Variants in NT5DC3 observed in about 807,000 individuals in gnomAD.
NT5DC3 encodes the protein 5'-nucleotidase domain containing 3, also known as 5'-nucleotidase domain-containing protein 3.
In NT5DC3, 42 loss-of-function variants were observed where a neutral mutation model predicts 67.8. The observed-to-expected ratio is 0.62, with a 90% CI of 0.48 to 0.80. The LOEUF is 0.80. Ranked by LOEUF, NT5DC3 falls within the 30% of genes least tolerant of loss-of-function variation. The pLI is 0.00. For synonymous variants in NT5DC3, 237 were observed against 255.6 expected, an observed-to-expected ratio of 0.93 and a Z score of 0.69; for missense variants, 570 against 696.4, an observed-to-expected ratio of 0.82 and a Z score of 2.04.
intron 12 of NT5DC3, 47 bp from the exon 13 acceptor site, chr12:103,780,411 G>C (rs768774424): frequency 6.4e-7 from 1 of 1,566,826 alleles, no homozygotes; most frequent in Non-Finnish European, 8.8e-7. Context: ...TTTCAAATAA[G>C]CTCATTACGT....
rs780737678 is a variant in NT5DC3, at chr12:103,841,075, C to T, written c.82G>A (p.Gly28Arg). 7 of 1,267,754 alleles carry T rather than the reference C, an allele frequency of 5.5e-6. No homozygotes were observed. In the South Asian group the frequency reaches 9.1e-5, roughly 16 times the overall value. The allele number at this position is 1,267,754 out of a possible 1,614,324, so 78.5% of individuals were successfully genotyped here. A position where few individuals can be genotyped will look rare whatever the true frequency, so the allele number is the denominator to read the frequency against. ...ATAAALRGGCGTAARGRPCAG... is the reference protein window; with the variant it reads ...ATAAALRGGCRTAARGRPCAG... ...CACGGCCGCCCCCGAGCCGCGGTCC[C>T]GCAGCCACCCCGCAAAGCCGCCGCT... The change falls in exon 1 of 14, where the codon GGG becomes AGG. Residue 28 changes from glycine to arginine, a missense_variant. Physicochemically the swap from Gly to Arg is moderately radical, Grantham distance 125. Around this residue, in one of 2 missense-constraint regions of NT5DC3, gnomAD observed 104 missense variants for 88.4 expected, o/e 1.18. Transcript: ENST00000392876.
the NT5DC3 span, among the ~76,000 whole-genome samples, chr12:103,765,221 C>T: frequency 1.3e-5 from 2 of 152,106 alleles, no homozygotes; most frequent in African/African-American, 4.8e-5. Flanking sequence ...CCAATGCACC[C>T]CATGCCTTCC....
intron 3 of NT5DC3, 33 bp downstream of exon 3, chr12:103,806,822 T>C: frequency 7.5e-7 from 1 of 1,338,852 alleles, no homozygotes; most frequent in Non-Finnish European, 1.1e-6. Context: ...CAAACATCAT[T>C]AAACCATAGA....
chr12:103,840,409 T>G (rs1289961022), intron 1 of NT5DC3, among the ~76,000 whole-genome samples: 1 of 139,498 alleles, frequency 7.2e-6, no homozygotes, highest in African/African-American at 2.9e-5. Context: ...TCATCTCATC[T>G]CATCTCATCT....
At position 103,798,815 on chromosome 12, in the gene NT5DC3, A is replaced by G. The variant is rs1481974783; in HGVS notation, c.525-138T>C. Reference sequence around the variant, plus strand: ...ACGAGGCAAAATGTGCCACAAGTAAATGCCACAAATATCAGGTAAGATGCT... The same window carrying G: ...ACGAGGCAAAATGTGCCACAAGTAAGTGCCACAAATATCAGGTAAGATGCT... On this transcript the variant is annotated intron_variant, in intron 4 of 13. Coordinates refer to ENST00000392876, the MANE Select transcript of NT5DC3 (RefSeq NM_001031701.3). The G allele has an allele frequency of 4.8e-6, 3 of 624,440 alleles. No homozygotes were observed. In the African/African-American group the frequency reaches 5.5e-5, roughly 11 times the overall value. 38.7% of individuals were successfully genotyped at this position (624,440 alleles called of 1,614,324 possible). A position where few individuals can be genotyped will look rare whatever the true frequency, so the allele number is the denominator to read the frequency against.
At chr12:103,749,300 T>C in the NT5DC3 span, 203,156 of 968,138 alleles carry the variant, frequency 0.21, 22,930 homozygotes, top group Non-Finnish European at 0.23. Context: ...TTAAAAGTCA[T>C]TGGGCTAAAT....
intron 1 of NT5DC3, among the ~76,000 whole-genome samples, chr12:103,823,205 C>T (rs972910856): frequency 1.3e-4 from 19 of 148,856 alleles, no homozygotes; most frequent in African/African-American, 4.4e-4. Context: ...AAAAATTTCC[C>T]GGAGAATTTT....
chr12:103,813,223 C>T (rs910415157), intron 2 of NT5DC3, among the ~76,000 whole-genome samples: 1 of 152,224 alleles, frequency 6.6e-6, no homozygotes, highest in African/African-American at 2.4e-5. Context: ...GGGTAGTGAA[C>T]AGATGGCATG....
intron 11 of NT5DC3, among the ~76,000 whole-genome samples, 179 bp downstream of exon 11, chr12:103,787,258 TAAAA>T (rs60157729): frequency 1.4e-5 from 2 of 143,554 alleles, no homozygotes; most frequent in African/African-American, 5.2e-5. Flanking sequence ...CCTGTTCTGT[TAAAA>T]AAAAAAAAAA....
chr12:103,786,552 G>A lies in NT5DC3; in HGVS notation c.1188+889C>T, dbSNP rs536701381. The stretch of plus-strand genomic sequence containing the variant: ...CTCAGAGAGAAAGAAAGGCTTTCAG[G>A]TTTTAAAAGAAGTGGTAGCTGATTT... On this transcript the variant is annotated intron_variant, in intron 11 of 13. Coordinates refer to ENST00000392876, the MANE Select transcript of NT5DC3 (RefSeq NM_001031701.3). 3.7e-4 allele frequency among the ~76,000 whole-genome samples: 56 copies of A among 152,214 alleles called. 1 individual carries two copies. The South Asian group carries it at 8.5e-3, about 23-fold the overall frequency.
chr12:103,749,745 C>T, the NT5DC3 span, among the ~76,000 whole-genome samples: 1 of 143,122 alleles, frequency 7.0e-6, no homozygotes, highest in African/African-American at 2.6e-5. Flanking sequence ...GAGGCTGAGG[C>T]AGGAGAATGG....
At chr12:103,747,589 A>G in the NT5DC3 span, among the ~76,000 whole-genome samples, 1 of 152,152 alleles carries the variant, frequency 6.6e-6, no homozygotes, top group South Asian at 2.1e-4. Flanking sequence ...ATCTGCTCCC[A>G]TCCCATTGGC....
intron 2 of NT5DC3, among the ~76,000 whole-genome samples, chr12:103,809,710 C>T (rs575929650): frequency 7.5e-4 from 114 of 152,258 alleles, no homozygotes; most frequent in African/African-American, 2.5e-3. Context: ...GATTCAATTG[C>T]CTCCCACCAG....
At chr12:103,840,679 C>G (rs1888377733) in intron 1 of NT5DC3, among the ~76,000 whole-genome samples, 1 of 151,978 alleles carries the variant, frequency 6.6e-6, no homozygotes, top group Non-Finnish European at 1.5e-5. Context: ...ATGCAGATTT[C>G]GGGCTAAAAA....
At chr12:103,789,244 T>A (rs1236865542) in intron 9 of NT5DC3, among the ~76,000 whole-genome samples, 1 of 152,054 alleles carries the variant, frequency 6.6e-6, no homozygotes, top group African/African-American at 2.4e-5. Flanking sequence ...GCCAACATGA[T>A]GAAACCCCAT....
At chr12:103,766,553 T>C (rs1391635507), downstream of NT5DC3, 27 of 544,312 alleles carry the variant, frequency 5.0e-5, no homozygotes, top group Non-Finnish European at 8.6e-5. Context: ...TGGCTCTTCT[T>C]CCTTTGTACT....
chr12:103,807,999 C>A (rs1451953218), intron 2 of NT5DC3, among the ~76,000 whole-genome samples: 5 of 152,170 alleles, frequency 3.3e-5, no homozygotes, highest in African/African-American at 2.4e-5. Flanking sequence ...GAAACTAATA[C>A]AGCAGCCCAG....
At chr12:103,756,807 A>G in the NT5DC3 span, among the ~76,000 whole-genome samples, 1 of 152,000 alleles carries the variant, frequency 6.6e-6, no homozygotes, top group Non-Finnish European at 1.5e-5. Context: ...CAGACCAAAG[A>G]TATCCATCTC....
At chr12:103,783,396 A>T (rs1241618783) in intron 12 of NT5DC3, among the ~76,000 whole-genome samples, 2 of 152,146 alleles carry the variant, frequency 1.3e-5, no homozygotes, top group Non-Finnish European at 2.9e-5. Flanking sequence ...CACTAGAGCA[A>T]GTTATATCTC....
Sources: gnomAD v4.1 joint callset for allele counts (sites outside exome capture counted in the v4.1 genomes callset) on GRCh38, gnomAD v4.1.1 for gene constraint, gnomAD v4.1.1 regional missense constraint, MANE v1.5 for transcripts, NCBI Gene and HGNC (gene_info 2026-07-23, HGNC 2026-07-21) for gene names.